The following KHDRBS2 variants were observed in gnomAD, a reference collection of about 807,000 sequenced individuals.
The protein encoded by KHDRBS2 is KH RNA binding domain containing, signal transduction associated 2.
KHDRBS2 carries 26 observed loss-of-function variants against 44.3 expected under a neutral mutation model. The ratio of observed to expected loss-of-function variants is 0.59; its 90% CI spans 0.43 to 0.81. The LOEUF is 0.81. KHDRBS2 is among the 40% of genes least tolerant of loss of function. The pLI, the probability that KHDRBS2 is intolerant of heterozygous loss-of-function variation, is 0.00. For missense variants in KHDRBS2, 476 were observed against 433.1 expected, an observed-to-expected ratio of 1.10 and a Z score of -0.88; for synonymous variants, 194 against 151.1, an observed-to-expected ratio of 1.28 and a Z score of -2.08.
chr6:61,624,107 G>A, the KHDRBS2 span, among the ~76,000 whole-genome samples: 1 of 152,286 alleles, frequency 6.6e-6, no homozygotes, highest in Non-Finnish European at 1.5e-5. Context: ...AGGATACAAA[G>A]TTTGAAGAAT....
At chr6:61,608,033 T>G in the KHDRBS2 span, among the ~76,000 whole-genome samples, 1 of 152,270 alleles carries the variant, frequency 6.6e-6, no homozygotes, top group Non-Finnish European at 1.5e-5. Flanking sequence ...AAAATTGATC[T>G]TTAAACTCAA....
At chr6:61,960,992 T>G (rs1368441085) in intron 4 of KHDRBS2, among the ~76,000 whole-genome samples, 2 of 152,086 alleles carry the variant, frequency 1.3e-5, no homozygotes, top group Non-Finnish European at 2.9e-5. Flanking sequence ...GAAGTAGTGT[T>G]CAGTTTATCA....
intron 2 of KHDRBS2, among the ~76,000 whole-genome samples, chr6:62,116,657 A>C (rs886203123): frequency 6.6e-6 from 1 of 152,146 alleles, no homozygotes; most frequent in African/African-American, 2.4e-5. Flanking sequence ...ACAATAAATT[A>C]TTTTTAACTA....
the KHDRBS2 span, chr6:61,659,156 G>C: frequency 5.9e-5 from 9 of 151,548 alleles, no homozygotes; most frequent in Admixed American, 4.6e-4. Flanking sequence ...TTGGCCTATG[G>C]TAAGGAGAAA....
chr6:62,258,676 C>A (rs1200716732), intron 1 of KHDRBS2, among the ~76,000 whole-genome samples: 1 of 151,994 alleles, frequency 6.6e-6, no homozygotes, highest in African/African-American at 2.4e-5. Context: ...AAATGAATTT[C>A]ATGATTAGAG....
chr6:62,092,398 C>A (rs1799656791), intron 2 of KHDRBS2, among the ~76,000 whole-genome samples: 1 of 152,142 alleles, frequency 6.6e-6, no homozygotes, highest in Non-Finnish European at 1.5e-5. Context: ...TCTTAGCTCT[C>A]ATTCACATCA....
At chr6:62,089,445 C>A (rs1399047394) in intron 2 of KHDRBS2, among the ~76,000 whole-genome samples, 1 of 152,046 alleles carries the variant, frequency 6.6e-6, no homozygotes, top group African/African-American at 2.4e-5. Flanking sequence ...GCACCATCCC[C>A]CATGGCATGA....
chr6:62,082,379 G>A (rs1163751437), intron 2 of KHDRBS2, among the ~76,000 whole-genome samples: 3 of 151,072 alleles, frequency 2.0e-5, no homozygotes, highest in African/African-American at 7.3e-5. Flanking sequence ...AGAATTCCTA[G>A]GAATATTTTG....
intron 3 of KHDRBS2, among the ~76,000 whole-genome samples, chr6:61,981,520 T>C (rs1050628686): frequency 6.6e-6 from 1 of 152,168 alleles, no homozygotes; most frequent in African/African-American, 2.4e-5. Flanking sequence ...TGCAAGTATG[T>C]TACCTCGTAT....
intron 8 of KHDRBS2, among the ~76,000 whole-genome samples, chr6:61,695,664 T>C (rs541454324): frequency 6.6e-6 from 1 of 152,252 alleles, no homozygotes; most frequent in East Asian, 1.9e-4. Flanking sequence ...AAAATGGAGA[T>C]AAAAATACTT....
At chr6:62,148,624 A>C (rs532009947) in intron 2 of KHDRBS2, among the ~76,000 whole-genome samples, 1 of 151,976 alleles carries the variant, frequency 6.6e-6, no homozygotes, top group Non-Finnish European at 1.5e-5. Context: ...CAACAACAAC[A>C]ACAAATGAAA....
chr6:61,774,826 G>A (rs1781664715), intron 6 of KHDRBS2, among the ~76,000 whole-genome samples: 1 of 152,076 alleles, frequency 6.6e-6, no homozygotes, highest in Non-Finnish European at 1.5e-5. Context: ...AAGCCTGGCA[G>A]AGACACAACC....
intron 5 of KHDRBS2, among the ~76,000 whole-genome samples, chr6:61,897,786 C>T (rs1156497661): frequency 2.0e-5 from 3 of 151,990 alleles, no homozygotes; most frequent in Non-Finnish European, 2.9e-5. Context: ...AGTAGTCTTT[C>T]GCATAAACAA....
rs1810638444 is a variant in KHDRBS2, at chr6:62,132,804, T to C, written c.219+44381A>G. ...TATTCTCTTCCCTTCTAATGGATTT[T>C]ATGAAAATCCCATAAATTCCAGCAT... On this transcript the variant is annotated intron_variant, in intron 2 of 8. Coordinates refer to ENST00000281156, the MANE Select transcript of KHDRBS2 (RefSeq NM_152688.4). Among the ~76,000 whole-genome samples the C allele has an allele frequency of 1.3e-5, 2 of 152,238 alleles. 1 individual carries two copies. Among genetic ancestry groups the C allele is most frequent in the South Asian group, 4.1e-4 (2 of 4,834 alleles).
At chr6:61,810,506 AT>A (rs775973011) in intron 6 of KHDRBS2, among the ~76,000 whole-genome samples, 22 of 152,248 alleles carry the variant, frequency 1.4e-4, no homozygotes, top group Middle Eastern at 3.4e-3. Context: ...GTATATTCTA[AT>A]AAATAATAAA....
chr6:61,566,806 G>C, the KHDRBS2 span, among the ~76,000 whole-genome samples: 1 of 152,138 alleles, frequency 6.6e-6, no homozygotes, highest in Admixed American at 6.6e-5. Context: ...AATGGGTGCT[G>C]ACACTCACTT....
chr6:62,013,292 A>G (rs1242344301), intron 3 of KHDRBS2, among the ~76,000 whole-genome samples: 1 of 152,202 alleles, frequency 6.6e-6, no homozygotes, highest in Non-Finnish European at 1.5e-5. Flanking sequence ...AAACATGAAT[A>G]GAATTTATTG....
chr6:62,096,577 T>C (rs1800651062), intron 2 of KHDRBS2, among the ~76,000 whole-genome samples: 1 of 151,936 alleles, frequency 6.6e-6, no homozygotes, highest in African/African-American at 2.4e-5. Context: ...GATTTATTTT[T>C]TATCTCTGAT....
rs34158468 is a variant in KHDRBS2, at chr6:61,839,114, TAG to T, written c.810+55519_810+55520del. Among the ~76,000 whole-genome samples the T allele has an allele frequency of 1.7e-3, 258 of 152,164 alleles. 1 individual carries two copies. Among genetic ancestry groups the T allele is most frequent in the African/African-American group, 5.9e-3 (245 of 41,538 alleles). On this transcript the variant is annotated intron_variant, in intron 6 of 8. Transcript: ENST00000281156. ...TTCACATCTTCTAGATCTCATTTTATAGAGATGGGGTGGGGGAAACCACAGAA... is the reference window on the plus strand; with the variant it reads ...TTCACATCTTCTAGATCTCATTTTATAGATGGGGTGGGGGAAACCACAGAA...
Sources: allele counts gnomAD v4.1 joint callset (sites outside exome capture counted in the v4.1 genomes callset), GRCh38; gene constraint gnomAD v4.1.1; transcripts MANE v1.5; gene names NCBI Gene and HGNC (gene_info 2026-07-23, HGNC 2026-07-21).